Variants in TOX observed in about 807,000 individuals in gnomAD.
TOX encodes thymocyte selection associated high mobility group box.
TOX carries 11 observed loss-of-function variants against 53.7 expected under a neutral mutation model. That is an observed-to-expected ratio of 0.20 (90% confidence interval 0.13 to 0.34). TOX has a LOEUF of 0.34. Among genes scored for constraint, TOX ranks in the 10% least tolerant of loss-of-function variants. TOX has a pLI of 1.00. For missense variants in TOX, 570 were observed against 664.6 expected, an observed-to-expected ratio of 0.86 and a Z score of 1.56; for synonymous variants, 225 against 245.3, an observed-to-expected ratio of 0.92 and a Z score of 0.77.
intron 3 of TOX, among the ~76,000 whole-genome samples, chr8:58,930,576 G>A (rs770581938): frequency 6.6e-6 from 1 of 152,178 alleles, no homozygotes; most frequent in Non-Finnish European, 1.5e-5. Context: ...TTCAAGGTAG[G>A]AGAGGGAGGA....
chr8:58,840,793 AGCTCTCAATTAG>A (rs1303498765), intron 4 of TOX, among the ~76,000 whole-genome samples: 2 of 151,650 alleles, frequency 1.3e-5, no homozygotes, highest in Non-Finnish European at 2.9e-5. Context: ...CCTGTCGATT[AGCTCTCAATTAG>A]ATCTCCACTG....
At chr8:58,888,984 A>T (rs994101902) in intron 3 of TOX, among the ~76,000 whole-genome samples, 10 of 152,040 alleles carry the variant, frequency 6.6e-5, no homozygotes, top group Non-Finnish European at 1.3e-4. Flanking sequence ...GATCTTTTTC[A>T]TCTATCAGAT....
chr8:58,851,727 G>C lies in TOX; in HGVS notation c.490C>G (p.Pro164Ala). 1.2e-6 allele frequency: 2 copies of C among 1,613,372 alleles called. No homozygotes were observed. Among genetic ancestry groups the C allele is most frequent in the Non-Finnish European group, 1.7e-6 (2 of 1,179,794 alleles). Residue 164 changes from proline (P) to alanine (A), a missense_variant, in exon 4 of 9, where the codon CCT becomes GCT. Around this residue, in one of 3 missense-constraint regions of TOX, gnomAD observed 282 missense variants for 315.0 expected, o/e 0.90. Transcript: ENST00000361421. This position sits in a 1 kb window ranked among gnomAD's most constrained non-coding sequence, Gnocchi z 4.4. ...QMAAMRPRGQ[P>A]ADIRQQPGMM... The stretch of plus-strand genomic sequence containing the variant: ...CCTGGCTGCTGCCTGATGTCTGCAG[G>C]CTGGCCCCTTGGTCTCATGGCTGCC...
intron 1 of TOX, among the ~76,000 whole-genome samples, chr8:59,036,584 G>T (rs898460257): frequency 9.2e-5 from 14 of 152,190 alleles, no homozygotes; most frequent in Non-Finnish European, 1.9e-4. Context: ...TAATCTATGT[G>T]TAATGGTGAG....
At chr8:59,010,063 C>CT (rs1813872800) in intron 1 of TOX, among the ~76,000 whole-genome samples, 1 of 152,136 alleles carries the variant, frequency 6.6e-6, no homozygotes, top group African/African-American at 2.4e-5. Flanking sequence ...TCACTCTTGA[C>CT]TTTAAGATGA....
intron 1 of TOX, among the ~76,000 whole-genome samples, chr8:58,984,383 G>A (rs1813283652): frequency 6.6e-6 from 1 of 152,190 alleles, no homozygotes; most frequent in Non-Finnish European, 1.5e-5. Flanking sequence ...CAAAGAAGAT[G>A]TGTAAATGGC....
chr8:58,852,267 T>C (rs1810837589), intron 3 of TOX, among the ~76,000 whole-genome samples: 1 of 152,230 alleles, frequency 6.6e-6, no homozygotes, highest in Non-Finnish European at 1.5e-5. Context: ...ATCTTCATCA[T>C]TTAAGAAAGG....
chr8:59,085,979 C>CTTTTTTTTTTTT (rs35593177), intron 1 of TOX, among the ~76,000 whole-genome samples: 8 of 88,826 alleles, frequency 9.0e-5, no homozygotes, highest in Admixed American at 1.2e-4. Flanking sequence ...CTTTTCTTTT[C>CTTTTTTTTTTTT]TTTTTTTTTT....
chr8:59,017,575 C>A (rs1428172521), intron 1 of TOX, among the ~76,000 whole-genome samples: 1 of 152,142 alleles, frequency 6.6e-6, no homozygotes, highest in African/African-American at 2.4e-5. Flanking sequence ...TATTAGACAC[C>A]TGTTAGGTGC....
At chr8:58,848,460 A>G (rs889524236) in intron 4 of TOX, among the ~76,000 whole-genome samples, 11 of 152,150 alleles carry the variant, frequency 7.2e-5, no homozygotes, top group African/African-American at 2.7e-4. Flanking sequence ...GAAATTTATA[A>G]GAGACACTCA....
chr8:58,886,668 T>C (rs913935154), intron 3 of TOX, among the ~76,000 whole-genome samples: 4 of 152,126 alleles, frequency 2.6e-5, no homozygotes, highest in South Asian at 4.1e-4. Flanking sequence ...AATTTCTTTA[T>C]ACTAAGTTTC....
chr8:59,021,481 A>AAAAATATAT lies in TOX; in HGVS notation c.103-61474_103-61473insATATATTTT, dbSNP rs59174995. 5.9e-4 allele frequency among the ~76,000 whole-genome samples: 38 copies of AAAAATATAT among 64,704 alleles called. 1 individual carries two copies. Among genetic ancestry groups the AAAAATATAT allele is most frequent in the Admixed American group, 6.0e-4 (3 of 4,992 alleles). 42.4% of individuals were successfully genotyped at this position (64,704 alleles called of 152,430 possible). Reference sequence around the variant, plus strand: ...CTACAAGCAAAAAAAAAAAAAAAAAAATATATATATATATATATGCACATA... The same window carrying AAAAATATAT: ...CTACAAGCAAAAAAAAAAAAAAAAAAAAAATATATATATATATATATATATATGCACATA... On this transcript the variant is annotated intron_variant, in intron 1 of 8. Coordinates refer to ENST00000361421, the MANE Select transcript of TOX (RefSeq NM_014729.3).
At chr8:59,053,671 A>C (rs1422462794) in intron 1 of TOX, among the ~76,000 whole-genome samples, 1 of 152,138 alleles carries the variant, frequency 6.6e-6, no homozygotes, top group African/African-American at 2.4e-5. Flanking sequence ...GAATCTAGGG[A>C]ATTTGGATCA....
chr8:58,974,022 T>C (rs1813049511), intron 1 of TOX, among the ~76,000 whole-genome samples: 1 of 152,152 alleles, frequency 6.6e-6, no homozygotes, highest in African/African-American at 2.4e-5. Context: ...GGTCTTGAAC[T>C]CCTGACCTCA....
At chr8:59,017,741 T>C (rs938591441) in intron 1 of TOX, among the ~76,000 whole-genome samples, 13 of 152,334 alleles carry the variant, frequency 8.5e-5, no homozygotes, top group African/African-American at 2.4e-4. Context: ...AGTATTATAT[T>C]ACAAACTCGG....
intron 1 of TOX, among the ~76,000 whole-genome samples, chr8:59,084,986 A>C (rs1804480631): frequency 6.6e-6 from 1 of 152,252 alleles, no homozygotes; most frequent in African/African-American, 2.4e-5. Context: ...CAGATCCTAC[A>C]TCTGCTTAAA....
intron 1 of TOX, among the ~76,000 whole-genome samples, chr8:59,020,154 C>A (rs1237282294): frequency 6.6e-6 from 1 of 152,076 alleles, no homozygotes. Context: ...GCTTCAAAAC[C>A]ACTATAGAAA....
At chr8:58,924,879 T>G (rs914756061) in intron 3 of TOX, among the ~76,000 whole-genome samples, 1 of 152,254 alleles carries the variant, frequency 6.6e-6, no homozygotes, top group Admixed American at 6.5e-5. Context: ...TTACTTGGCC[T>G]GTGTTTTTTG....
At position 59,011,262 on chromosome 8, in the gene TOX, C is replaced by CT. The variant is rs572802309; in HGVS notation, c.103-51255dup. ...ATGTGATTTCAATCCATCAAAACCT[C>CT]TTTCTCTTGGAGGAAAATCCTATTT... is the stretch of plus-strand genomic sequence containing the variant. On this transcript the variant is annotated intron_variant, in intron 1 of 8. Coordinates refer to ENST00000361421, the MANE Select transcript of TOX (RefSeq NM_014729.3). 3.0e-4 allele frequency among the ~76,000 whole-genome samples: 46 copies of CT among 152,306 alleles called. 1 individual carries two copies. The East Asian group carries it at 7.7e-3, about 26-fold the overall frequency.
Sources: allele counts gnomAD v4.1 joint callset (sites outside exome capture counted in the v4.1 genomes callset), GRCh38; gene constraint gnomAD v4.1.1; regional missense constraint gnomAD v4.1.1; non-coding constraint Gnocchi (gnomAD v3.1); transcripts MANE v1.5; gene names NCBI Gene and HGNC (gene_info 2026-07-23, HGNC 2026-07-21).